GATA6: variants seen among roughly 807,000 people sequenced by gnomAD.
GATA6 encodes transcription factor GATA-6.
Under a neutral mutation model 48.1 loss-of-function variants are expected in GATA6, and 11 were observed. The observed-to-expected ratio is 0.23, with a 90% confidence interval of 0.14 to 0.38. The LOEUF is 0.38. Ranked by LOEUF, GATA6 falls within the 10% of genes least tolerant of loss-of-function variation. The probability of loss-of-function intolerance (pLI) is 1.00; values close to 1 mark genes in which losing one functional copy is unlikely to be tolerated. For missense variants in GATA6, 795 were observed against 850.3 expected, an observed-to-expected ratio of 0.93 and a Z score of 0.81; for synonymous variants, 419 against 396.1, an observed-to-expected ratio of 1.06 and a Z score of -0.69.
chr18:22,173,091 A>T (rs977092107), intron 2 of GATA6, among the ~76,000 whole-genome samples: 1 of 152,000 alleles, frequency 6.6e-6, no homozygotes, highest in Non-Finnish European at 1.5e-5. Flanking sequence ...AATTTGACTC[A>T]TTTTTTCCTG....
chr18:22,185,107 A>G lies in GATA6; in HGVS notation c.1620+2064A>G, dbSNP rs1485091600. Reference sequence around the variant, plus strand: ...TCAAAATTTGCTATTAGCAAGTCCTATCGGTTGCTGTCCAGCGAAAGGAGT... The same window carrying G: ...TCAAAATTTGCTATTAGCAAGTCCTGTCGGTTGCTGTCCAGCGAAAGGAGT... On this transcript the variant is annotated intron_variant, in intron 6 of 6. Transcript: ENST00000269216. The surrounding 1 kb of genome is among the most constrained non-coding windows in gnomAD (Gnocchi z 4.3). Among the ~76,000 whole-genome samples the G allele has an allele frequency of 1.3e-5, 2 of 152,162 alleles. No individual in the cohort carries two copies. The highest frequency in any genetic ancestry group is 2.9e-5 in the Non-Finnish European group (2 of 68,044).
chr18:22,185,620 A>G lies in GATA6; in HGVS notation c.1620+2577A>G, dbSNP rs1234147864. Among the ~76,000 whole-genome samples the G allele has an allele frequency of 2.6e-5, 4 of 152,154 alleles. No individual in the cohort carries two copies. The highest frequency in any genetic ancestry group is 7.2e-5 in the African/African-American group (3 of 41,434). On this transcript the variant is annotated intron_variant, in intron 6 of 6. Coordinates refer to ENST00000269216, the MANE Select transcript of GATA6 (RefSeq NM_005257.6). This position sits in a 1 kb window ranked among gnomAD's most constrained non-coding sequence, Gnocchi z 4.3. ...ACACACGGCTGGTGCCTGGGCTTGCAGGGTTTTATTTCATGGATGTCTCCA... is the reference window on the plus strand; with the variant it reads ...ACACACGGCTGGTGCCTGGGCTTGCGGGGTTTTATTTCATGGATGTCTCCA...
At chr18:22,195,398 C>T (rs2033378106) in intron 6 of GATA6, among the ~76,000 whole-genome samples, 1 of 152,270 alleles carries the variant, frequency 6.6e-6, no homozygotes, top group East Asian at 1.9e-4. Flanking sequence ...TGAAGGTTGG[C>T]TTGTCCCTCA....
Position 22,182,834 on chromosome 18 carries a change from G to C in GATA6, c.1506G>C (p.Lys502Asn). The change falls in exon 5 of 7, where the codon AAG becomes AAC. Residue 502 changes from lysine to asparagine, a missense_variant. Around this residue, in one of 5 missense-constraint regions of GATA6, gnomAD observed 24 missense variants for 43.6 expected, o/e 0.55. Coordinates refer to ENST00000269216, the MANE Select transcript of GATA6 (RefSeq NM_005257.6). ...KRKPKNINKS[K>N]TCSGNSNNSI... ...AACCTAAGAACATAAATAAATCAAA[G>C]ACTTGCTCTGGTAAATATACTAAAA... is the stretch of plus-strand genomic sequence containing the variant. 1 of 1,613,028 alleles carries C rather than the reference G, an allele frequency of 6.2e-7. No individual in the cohort carries two copies. The highest frequency in any genetic ancestry group is 8.5e-7 in the Non-Finnish European group (1 of 1,179,008).
intron 6 of GATA6, among the ~76,000 whole-genome samples, chr18:22,186,662 G>A (rs1469972701): frequency 1.3e-5 from 2 of 152,220 alleles, no homozygotes; most frequent in Non-Finnish European, 2.9e-5. Flanking sequence ...GCTTCTGGGA[G>A]AGGGGGCTCC....
chr18:22,188,515 T>G (rs1445615157), intron 6 of GATA6, among the ~76,000 whole-genome samples: 1 of 151,820 alleles, frequency 6.6e-6, no homozygotes, highest in Non-Finnish European at 1.5e-5. Context: ...GTGACTGGAG[T>G]GTAGGGGGTA....
intron 6 of GATA6, among the ~76,000 whole-genome samples, chr18:22,194,993 C>T (rs1476391236): frequency 6.6e-6 from 1 of 152,036 alleles, no homozygotes; most frequent in Non-Finnish European, 1.5e-5. Flanking sequence ...TGGTGAAACC[C>T]TAACTCTACT....
In GATA6 at chr18:22,170,926, C is replaced by T; in HGVS notation, c.-37-182C>T. On this transcript the variant is annotated intron_variant, in intron 1 of 6. Transcript: ENST00000269216. The surrounding 1 kb of genome is among the most constrained non-coding windows in gnomAD (Gnocchi z 6.7). ...TGGCGGCTGCGCAGGCTCCCTTCCC[C>T]TCCCTTATTGATCTCCACGCCCGGG... The T allele has an allele frequency of 3.3e-6, 2 of 597,040 alleles. No individual in the cohort carries two copies. Among genetic ancestry groups the T allele is most frequent in the Non-Finnish European group, 6.0e-6 (2 of 334,980 alleles). 37.0% of individuals were successfully genotyped at this position (597,040 alleles called of 1,614,324 possible). A position where few individuals can be genotyped will look rare whatever the true frequency, so the allele number is the denominator to read the frequency against.
At position 22,200,694 on chromosome 18, in the gene GATA6, C is replaced by T; in HGVS notation, c.1659C>T (p.Thr553=). 6.2e-7 allele frequency: 1 copy of T among 1,614,240 alleles called. No individual in the cohort carries two copies. Among genetic ancestry groups the T allele is most frequent in the Non-Finnish European group, 8.5e-7 (1 of 1,180,048 alleles). The part of the protein sequence containing the change: ...APVMTGAGES[T]NPENSELKYS... ...TGATGACTGGTGCGGGAGAGAGCACCAATCCCGAGAACAGCGAGCTCAAGT... is the reference window on the plus strand; with the variant it reads ...TGATGACTGGTGCGGGAGAGAGCACTAATCCCGAGAACAGCGAGCTCAAGT... The change falls in exon 7 of 7, where the codon ACC becomes ACT. Residue 553 remains threonine (T), a synonymous_variant. Transcript: ENST00000269216.
At chr18:22,198,118 T>C (rs1382050514) in intron 6 of GATA6, among the ~76,000 whole-genome samples, 1 of 151,894 alleles carries the variant, frequency 6.6e-6, no homozygotes, top group Non-Finnish European at 1.5e-5. Flanking sequence ...AGGGTCTTGC[T>C]CTGTCCCTTA....
In GATA6 at chr18:22,185,493, G is replaced by GA. The variant is rs1210750458; in HGVS notation, c.1620+2453dup. Among the ~76,000 whole-genome samples the GA allele has an allele frequency of 6.6e-6, 1 of 152,258 alleles. No individual in the cohort carries two copies. Among genetic ancestry groups the GA allele is most frequent in the Non-Finnish European group, 1.5e-5 (1 of 68,042 alleles). On this transcript the variant is annotated intron_variant, in intron 6 of 6. Coordinates refer to ENST00000269216, the MANE Select transcript of GATA6 (RefSeq NM_005257.6). The surrounding 1 kb of genome is among the most constrained non-coding windows in gnomAD (Gnocchi z 4.3). ...TCTCCAGCCTCTGGGCTGCGCAGCAGAAACACTGACTGCCATTACCAGGGC... is the reference window on the plus strand; with the variant it reads ...TCTCCAGCCTCTGGGCTGCGCAGCAGAAAACACTGACTGCCATTACCAGGGC...
chr18:22,170,823 G>T lies in GATA6; in HGVS notation c.-37-285G>T. 1 of 464,780 alleles carries T rather than the reference G, an allele frequency of 2.2e-6. No homozygotes were observed. The highest frequency in any genetic ancestry group is 2.0e-5 in the African/African-American group (1 of 50,316). 28.8% of individuals were successfully genotyped at this position (464,780 alleles called of 1,614,324 possible). On this transcript the variant is annotated intron_variant, in intron 1 of 6. Coordinates refer to ENST00000269216, the MANE Select transcript of GATA6 (RefSeq NM_005257.6). The surrounding 1 kb of genome is among the most constrained non-coding windows in gnomAD (Gnocchi z 6.7). ...CGCACGGAGAAAGGATGCGGCCGAG[G>T]GGGTGGGCGGGGAGGACGCGGGGAC...
chr18:22,171,597 C>T lies in GATA6; in HGVS notation c.453C>T (p.Leu151=), dbSNP rs1334976512. 10 of 1,601,918 alleles carry T rather than the reference C, an allele frequency of 6.2e-6. No homozygotes were observed. The highest frequency in any genetic ancestry group is 7.6e-6 in the Non-Finnish European group (9 of 1,179,404). ...AGCCGGAGGAGATGTACCAGACCCT[C>T]GCCGCTCTCTCCAGCCAGGGTCCGG... The part of the protein sequence containing the change: ...PEQPEEMYQT[L]AALSSQGPAA... Residue 151 remains leucine (L), a synonymous_variant, in exon 2 of 7, where the codon CTC becomes CTT. Transcript: ENST00000269216. This position sits in a 1 kb window ranked among gnomAD's most constrained non-coding sequence, Gnocchi z 7.1.
At chr18:22,179,501 CCTTTGTTATAA>C (rs2033167686) in intron 3 of GATA6, among the ~76,000 whole-genome samples, 1 of 152,144 alleles carries the variant, frequency 6.6e-6, no homozygotes, top group Admixed American at 6.5e-5. Context: ...GTCATAAAGT[CCTTTGTTATAA>C]TGGCAAATTC....
In GATA6 at chr18:22,171,499, G is replaced by C; in HGVS notation, c.355G>C (p.Asp119His). 1 of 1,602,380 alleles carries C rather than the reference G, an allele frequency of 6.2e-7. No individual in the cohort carries two copies. The highest frequency in any genetic ancestry group is 8.5e-7 in the Non-Finnish European group (1 of 1,179,602). Reference protein sequence around the residue: ...WEDLLLFTDLDQAATASKLLW... With the variant: ...WEDLLLFTDLHQAATASKLLW... ...GGACTTGCTGCTGTTCACTGACCTCGACCAAGCCGCGACCGCCAGCAAGCT... is the reference window on the plus strand; with the variant it reads ...GGACTTGCTGCTGTTCACTGACCTCCACCAAGCCGCGACCGCCAGCAAGCT... Residue 119 changes from aspartate (D) to histidine (H), a missense_variant, in exon 2 of 7, where the codon GAC becomes CAC. Asp to His is a moderately conservative substitution (Grantham distance 81, BLOSUM62 -1). Around this residue, in one of 5 missense-constraint regions of GATA6, gnomAD observed 591 missense variants for 570.0 expected, o/e 1.04. Transcript: ENST00000269216. This position sits in a 1 kb window ranked among gnomAD's most constrained non-coding sequence, Gnocchi z 7.1.
Position 22,172,026 on chromosome 18 carries a change from C to T in GATA6, c.882C>T (p.Ser294=). The part of the protein sequence containing the change: ...AAGSGGAGGV[S]GGGSSLAAMG... ...GCAGTGGGGGCGCGGGAGGCGTGAG[C>T]GGCGGCGGCAGTAGCCTGGCGGCCA... The change falls in exon 2 of 7, where the codon AGC becomes AGT. Residue 294 remains serine, a synonymous_variant. Transcript: ENST00000269216. The surrounding 1 kb of genome is among the most constrained non-coding windows in gnomAD (Gnocchi z 5.2). The T allele has an allele frequency of 8.0e-7, 1 of 1,248,716 alleles. No individual in the cohort carries two copies. The highest frequency in any genetic ancestry group is 1.0e-6 in the Non-Finnish European group (1 of 999,738). The allele number at this position is 1,248,716 out of a possible 1,614,324, so 77.4% of individuals were successfully genotyped here.
At position 22,182,789 on chromosome 18, in the gene GATA6, A is replaced by G; in HGVS notation, c.1461A>G (p.Gly487=). The G allele has an allele frequency of 6.2e-7, 1 of 1,614,098 alleles. No individual in the cohort carries two copies. Among genetic ancestry groups the G allele is most frequent in the Non-Finnish European group, 8.5e-7 (1 of 1,179,984 alleles). ...GACCACTTGCTATGAAAAAAGAGGG[A>G]ATTCAAACCAGGAAACGAAAACCTA... The part of the protein sequence containing the change: ...VPRPLAMKKE[G]IQTRKRKPKN... The change falls in exon 5 of 7, where the codon GGA becomes GGG. Residue 487 remains glycine (G), a synonymous_variant. Coordinates refer to ENST00000269216, the MANE Select transcript of GATA6 (RefSeq NM_005257.6).
intron 6 of GATA6, among the ~76,000 whole-genome samples, chr18:22,186,998 C>T (rs9962789): frequency 0.085 from 12,917 of 152,144 alleles, 1,765 homozygotes; most frequent in African/African-American, 0.29. Context: ...GGTCATACAG[C>T]CCTGCTTAAA....
chr18:22,183,189 A>C, intron 6 of GATA6, 146 bp downstream of exon 6: 1 of 713,674 alleles, frequency 1.4e-6, no homozygotes, highest in East Asian at 2.7e-5. Context: ...TTTAGAGGAA[A>C]TTACATTTAA....
Sources: gnomAD v4.1 joint callset for allele counts (sites outside exome capture counted in the v4.1 genomes callset) on GRCh38, gnomAD v4.1.1 for gene constraint, gnomAD v4.1.1 regional missense constraint, Gnocchi (gnomAD v3.1) non-coding constraint, MANE v1.5 for transcripts, NCBI Gene and HGNC (gene_info 2026-07-23, HGNC 2026-07-21) for gene names.